FER: variants seen among roughly 807,000 people sequenced by gnomAD.
FER encodes the protein tyrosine-protein kinase Fer.
FER carries 63 observed loss-of-function variants against 111.0 expected under a neutral mutation model. The observed-to-expected ratio is 0.57, with a 90% CI of 0.46 to 0.70. The LOEUF is 0.70. Ranked by LOEUF, FER falls within the 30% of genes least tolerant of loss-of-function variation. The pLI, the probability that FER is intolerant of heterozygous loss-of-function variation, is 0.00. For synonymous variants in FER, 327 were observed against 313.9 expected, an observed-to-expected ratio of 1.04 and a Z score of -0.44; for missense variants, 914 against 954.0, an observed-to-expected ratio of 0.96 and a Z score of 0.55.
intron 2 of FER, among the ~76,000 whole-genome samples, chr5:108,787,261 T>C (rs2081126): frequency 0.43 from 66,048 of 152,068 alleles, 16,357 homozygotes; most frequent in African/African-American, 0.68. Flanking sequence ...GTGGTGCTGA[T>C]ATGCCAGCCC....
intron 13 of FER, among the ~76,000 whole-genome samples, chr5:109,013,482 T>A (rs541245672): frequency 0.01 from 1,577 of 151,600 alleles, 23 homozygotes; most frequent in African/African-American, 0.036. Context: ...TCTATCATTG[T>A]TGGACATTTG....
At chr5:109,015,233 T>C (rs988352122) in intron 13 of FER, among the ~76,000 whole-genome samples, 1 of 152,088 alleles carries the variant, frequency 6.6e-6, no homozygotes. Context: ...AGTAGTGTCG[T>C]TCCATTTTGA....
rs571902032 is a variant in FER, at chr5:109,005,440, G to A, written c.1657-31982G>A. Among the ~76,000 whole-genome samples the A allele has an allele frequency of 6.2e-4, 94 of 152,058 alleles. 2 individuals are homozygous for A. The highest frequency in any genetic ancestry group is 1.4e-3 in the African/African-American group (56 of 41,468). ...ATACTTATGTAACACATACATATGC[G>A]GTTAATGGTTGGTATTATATTTACA... is the stretch of plus-strand genomic sequence containing the variant. On this transcript the variant is annotated intron_variant, in intron 13 of 19. Transcript: ENST00000281092.
At chr5:108,962,582 G>A (rs950701193) in intron 13 of FER, among the ~76,000 whole-genome samples, 12 of 152,170 alleles carry the variant, frequency 7.9e-5, no homozygotes, top group African/African-American at 2.9e-4. Flanking sequence ...TGTATTTCCA[G>A]TGTCTCGAAG....
intron 5 of FER, among the ~76,000 whole-genome samples, chr5:108,854,459 T>C (rs1025520780): frequency 2.4e-4 from 36 of 152,222 alleles, no homozygotes; most frequent in African/African-American, 8.4e-4. Context: ...GGAGCCTAAC[T>C]TTGTTCAACC....
chr5:108,842,946 A>T (rs534824014), intron 5 of FER: 1 of 152,368 alleles, frequency 6.6e-6, no homozygotes, highest in South Asian at 2.1e-4. Context: ...ATACATGCAC[A>T]TGCATGTTTA....
At chr5:108,839,118 T>TA (rs1760970692) in intron 5 of FER, among the ~76,000 whole-genome samples, 1 of 152,092 alleles carries the variant, frequency 6.6e-6, no homozygotes, top group Non-Finnish European at 1.5e-5. Context: ...ACTAAACACA[T>TA]ACATATCCAC....
chr5:108,797,356 C>T (rs1406871187), intron 2 of FER, among the ~76,000 whole-genome samples: 1 of 152,126 alleles, frequency 6.6e-6, no homozygotes, highest in African/African-American at 2.4e-5. Context: ...GTTGCAAGCA[C>T]TCCTGTAGCC....
chr5:109,167,847 T>G (rs1454103157), intron 17 of FER, among the ~76,000 whole-genome samples: 2 of 152,100 alleles, frequency 1.3e-5, no homozygotes, highest in Non-Finnish European at 2.9e-5. Context: ...TAGTCAAACC[T>G]AGTGTCCCTT....
intron 3 of FER, 78 bp downstream of exon 3, chr5:108,798,467 T>C: frequency 9.3e-7 from 1 of 1,077,830 alleles, no homozygotes; most frequent in Non-Finnish European, 1.4e-6. Context: ...AACTATTGAA[T>C]GAGCATACTT....
chr5:108,804,617 T>C (rs1356325130), intron 3 of FER, among the ~76,000 whole-genome samples: 1 of 152,198 alleles, frequency 6.6e-6, no homozygotes, highest in African/African-American at 2.4e-5. Flanking sequence ...TCTGATTGTG[T>C]TCGTGTGACA....
chr5:108,941,487 C>G (rs977865149), intron 10 of FER, among the ~76,000 whole-genome samples: 2 of 152,096 alleles, frequency 1.3e-5, no homozygotes, highest in Non-Finnish European at 2.9e-5. Context: ...TACAAAAATG[C>G]TTAGGGATGT....
chr5:108,908,839 G>A (rs1420276120), intron 10 of FER, among the ~76,000 whole-genome samples: 3 of 152,100 alleles, frequency 2.0e-5, no homozygotes, highest in Non-Finnish European at 2.9e-5. Flanking sequence ...AGAAGTTCTA[G>A]ACTAGCCTGG....
intron 16 of FER, among the ~76,000 whole-genome samples, chr5:109,084,506 AT>A (rs1378260162): frequency 1.1e-4 from 13 of 118,508 alleles, no homozygotes; most frequent in African/African-American, 5.0e-4. Context: ...ACAATTAAAA[AT>A]AAAAAAAAAT....
At chr5:108,855,973 A>G (rs1410477673) in intron 5 of FER, among the ~76,000 whole-genome samples, 2 of 151,366 alleles carry the variant, frequency 1.3e-5, no homozygotes, top group South Asian at 2.1e-4. Context: ...ATTGGGAGCT[A>G]TTACAGCTTG....
rs1770665866 is a variant in FER at position 109,038,211 on chromosome 5, CTT to C, written c.1713+738_1713+739del. Among the ~76,000 whole-genome samples the C allele has an allele frequency of 2.0e-5, 3 of 151,712 alleles. No homozygotes were observed. In the South Asian group the frequency reaches 6.2e-4, roughly 31 times the overall value. ...TTGAGTTCCAATGAATAAGTATTCA[CTT>C]TTTTGTCAGTGACTTAATTAGTGAT... On this transcript the variant is annotated intron_variant, in intron 14 of 19. Coordinates refer to ENST00000281092, the MANE Select transcript of FER (RefSeq NM_005246.4).
At chr5:109,093,387 A>G (rs1399334440) in intron 16 of FER, among the ~76,000 whole-genome samples, 1 of 152,184 alleles carries the variant, frequency 6.6e-6, no homozygotes, top group Admixed American at 6.6e-5. Flanking sequence ...TATTTCTGTA[A>G]TCTGATAGAA....
At chr5:108,944,640 G>C (rs1258436113) in intron 10 of FER, among the ~76,000 whole-genome samples, 1 of 151,956 alleles carries the variant, frequency 6.6e-6, no homozygotes, top group African/African-American at 2.4e-5. Flanking sequence ...ATTTAAAGCT[G>C]ATACTAGATG....
intron 10 of FER, chr5:108,924,877 G>A: frequency 1.0e-6 from 1 of 1,004,552 alleles, no homozygotes; most frequent in Non-Finnish European, 1.3e-6. Flanking sequence ...TTATGCGGCT[G>A]CTTCAAATGG....
Sources: allele counts gnomAD v4.1 joint callset (sites outside exome capture counted in the v4.1 genomes callset), GRCh38; gene constraint gnomAD v4.1.1; transcripts MANE v1.5; gene names NCBI Gene and HGNC (gene_info 2026-07-23, HGNC 2026-07-21).